SCG5: variants seen among roughly 807,000 people sequenced by gnomAD.
The protein encoded by SCG5 is neuroendocrine protein 7B2.
SCG5 carries 18 observed loss-of-function variants against 25.7 expected under a neutral mutation model. The ratio of observed to expected loss-of-function variants is 0.70; its 90% CI spans 0.48 to 1.04. SCG5 has a LOEUF of 1.04. Ranked by LOEUF, SCG5 falls within the 50% of genes least tolerant of loss-of-function variation. The pLI, the probability that SCG5 is intolerant of heterozygous loss-of-function variation, is 0.00. For synonymous variants in SCG5, 101 were observed against 91.7 expected, an observed-to-expected ratio of 1.10 and a Z score of -0.58; for missense variants, 206 against 259.8, an observed-to-expected ratio of 0.79 and a Z score of 1.42.
chr15:32,660,255 G>A (rs751592468), intron 2 of SCG5, among the ~76,000 whole-genome samples: 2 of 152,172 alleles, frequency 1.3e-5, no homozygotes, highest in Non-Finnish European at 2.9e-5. Context: ...CAGGCAGGGA[G>A]TGGTCAGCTT....
At chr15:32,657,215 A>AGG (rs2054136203) in intron 2 of SCG5, among the ~76,000 whole-genome samples, 1 of 112,068 alleles carries the variant, frequency 8.9e-6, no homozygotes, top group South Asian at 3.2e-4. Flanking sequence ...ATATATATGT[A>AGG]TGTATTTCCA....
At chr15:32,694,808 G>C (rs2054925682) in intron 5 of SCG5, among the ~76,000 whole-genome samples, 1 of 152,234 alleles carries the variant, frequency 6.6e-6, no homozygotes, top group Non-Finnish European at 1.5e-5. Flanking sequence ...GCGTTTAGCA[G>C]TCAGAATGTG....
intron 1 of SCG5, among the ~76,000 whole-genome samples, chr15:32,642,901 CT>C (rs2053888718): frequency 1.3e-5 from 2 of 152,150 alleles, no homozygotes; most frequent in Non-Finnish European, 2.9e-5. Context: ...CACAACAACC[CT>C]AAAAGGTAAA....
chr15:32,661,316 G>T (rs554781800), intron 2 of SCG5, among the ~76,000 whole-genome samples: 1 of 152,286 alleles, frequency 6.6e-6, no homozygotes, highest in South Asian at 2.1e-4. Flanking sequence ...TCCCCCATTT[G>T]TGACAACAGA....
intron 2 of SCG5, among the ~76,000 whole-genome samples, chr15:32,667,677 CTT>C (rs11457121): frequency 6.9e-6 from 1 of 145,826 alleles, no homozygotes; most frequent in Non-Finnish European, 1.5e-5. Flanking sequence ...TAGTTTTATT[CTT>C]TTTTTTTTTT....
rs375641712 is a variant in SCG5, at chr15:32,684,030, G to C, written c.377-527G>C. On this transcript the variant is annotated intron_variant, in intron 3 of 5. Transcript: ENST00000300175. The stretch of plus-strand genomic sequence containing the variant: ...CCGTGTGAAGTCCTGCCAGAGGCGC[G>C]TGAGGCTGTAGTGCGGTGGATGGTT... Among the ~76,000 whole-genome samples, 3 of 152,360 alleles carry C rather than the reference G, an allele frequency of 2.0e-5. No individual in the cohort carries two copies. In the South Asian group the frequency reaches 6.2e-4, roughly 32 times the overall value.
At chr15:32,688,970 A>AAAGAAAAG (rs1555437411) in intron 4 of SCG5, among the ~76,000 whole-genome samples, 5 of 79,402 alleles carry the variant, frequency 6.3e-5, no homozygotes, top group African/African-American at 1.8e-4. Context: ...AAAAAAAAAA[A>AAAGAAAAG]AAAAGAAATT....
chr15:32,642,773 A>G (rs1333852624), intron 1 of SCG5, among the ~76,000 whole-genome samples: 2 of 151,874 alleles, frequency 1.3e-5, no homozygotes, highest in South Asian at 2.1e-4. Flanking sequence ...CTGCCTCCCC[A>G]TATTCTAACC....
intron 2 of SCG5, among the ~76,000 whole-genome samples, chr15:32,667,111 T>TATTAA (rs10682338): frequency 0.98 from 148,622 of 152,290 alleles, 72,528 homozygotes; most frequent in East Asian, 1. Context: ...GATTAAAAAT[T>TATTAA]ATTTAATTTC....
At position 32,663,078 on chromosome 15, in the gene SCG5, T is replaced by TATATATAA. The variant is rs1231364622; in HGVS notation, c.227-16687_227-16686insTATATAAA. ...ATATATATATATATATATATATATATAATATATAATATGTTATATATACAC... is the reference window on the plus strand; with the variant it reads ...ATATATATATATATATATATATATATATATATAAAATATATAATATGTTATATATACAC... On this transcript the variant is annotated intron_variant, in intron 2 of 5. Coordinates refer to ENST00000300175, the MANE Select transcript of SCG5 (RefSeq NM_001144757.3). Among the ~76,000 whole-genome samples the TATATATAA allele has an allele frequency of 1.9e-4, 10 of 52,218 alleles. 1 individual carries two copies. In the South Asian group the frequency reaches 4.7e-3, roughly 25 times the overall value. 34.3% of individuals were successfully genotyped at this position (52,218 alleles called of 152,430 possible). A position where few individuals can be genotyped will look rare whatever the true frequency, so the allele number is the denominator to read the frequency against.
At chr15:32,689,841 C>CT (rs537073829) in intron 4 of SCG5, among the ~76,000 whole-genome samples, 6,988 of 135,022 alleles carry the variant, frequency 0.052, 231 homozygotes, top group Non-Finnish European at 0.071. Context: ...TTTTGCATTT[C>CT]TTTTTTTTTT....
At chr15:32,694,775 G>A (rs1167161026) in intron 5 of SCG5, among the ~76,000 whole-genome samples, 1 of 152,252 alleles carries the variant, frequency 6.6e-6, no homozygotes, top group African/African-American at 2.4e-5. Context: ...TTTGTAGAGT[G>A]AGTCGGACCT....
At chr15:32,694,901 G>C (rs938630432) in intron 5 of SCG5, among the ~76,000 whole-genome samples, 1 of 152,206 alleles carries the variant, frequency 6.6e-6, no homozygotes, top group Non-Finnish European at 1.5e-5. Context: ...AGTCATGGCA[G>C]GTTATTTCAT....
At chr15:32,683,819 T>C (rs567852326) in intron 3 of SCG5, among the ~76,000 whole-genome samples, 1 of 152,326 alleles carries the variant, frequency 6.6e-6, no homozygotes, top group Admixed American at 6.5e-5. Flanking sequence ...CATCAAGTGC[T>C]GTGTGGAGAT....
intron 3 of SCG5, among the ~76,000 whole-genome samples, chr15:32,682,102 T>G (rs1407455400): frequency 1.3e-5 from 2 of 152,180 alleles, no homozygotes; most frequent in Non-Finnish European, 2.9e-5. Flanking sequence ...GTCCATTGGA[T>G]GTGGTACAGT....
intron 2 of SCG5, among the ~76,000 whole-genome samples, chr15:32,663,204 C>T (rs1022338476): frequency 6.6e-6 from 1 of 150,878 alleles, no homozygotes; most frequent in African/African-American, 2.4e-5. Context: ...TTAAAGTATA[C>T]AATGTAATGG....
At chr15:32,695,227 G>T (rs2054935839) in intron 5 of SCG5, among the ~76,000 whole-genome samples, 1 of 151,966 alleles carries the variant, frequency 6.6e-6, no homozygotes, top group Non-Finnish European at 1.5e-5. Context: ...GTGTTAGCCA[G>T]GATGGTCTCG....
chr15:32,647,849 G>A (rs548471055), intron 2 of SCG5, among the ~76,000 whole-genome samples: 5 of 152,078 alleles, frequency 3.3e-5, no homozygotes, highest in South Asian at 4.2e-4. Context: ...TGTTAGTTTC[G>A]TTTACAGGTT....
intron 2 of SCG5, among the ~76,000 whole-genome samples, chr15:32,660,541 A>C (rs1460742767): frequency 1.3e-5 from 2 of 152,218 alleles, no homozygotes; most frequent in African/African-American, 4.8e-5. Flanking sequence ...AGATCTATTA[A>C]TAGAGCTCAT....
Sources: gnomAD v4.1 joint callset for allele counts (sites outside exome capture counted in the v4.1 genomes callset) on GRCh38, gnomAD v4.1.1 for gene constraint, MANE v1.5 for transcripts, NCBI Gene and HGNC (gene_info 2026-07-23, HGNC 2026-07-21) for gene names.